Variants in CDH2 observed in about 807,000 individuals in gnomAD.
CDH2 encodes the protein cadherin-2.
Under a neutral mutation model 92.0 loss-of-function variants are expected in CDH2, and 17 were observed. The ratio of observed to expected loss-of-function variants is 0.18; its 90% CI spans 0.13 to 0.28. The LOEUF (loss-of-function observed/expected upper bound fraction) is 0.28, where lower values mean the gene tolerates loss of function less well. Ranked by LOEUF, CDH2 falls within the 10% of genes least tolerant of loss-of-function variation. The pLI is 1.00. For synonymous variants in CDH2, 419 were observed against 415.9 expected (o/e 1.01, Z -0.09); for missense variants, 862 against 1,133.1 (o/e 0.76, Z 3.44).
intron 2 of CDH2, among the ~76,000 whole-genome samples, chr18:28,034,463 T>A (rs2013776672): frequency 6.6e-6 from 1 of 151,996 alleles, no homozygotes. Context: ...CAGTTATATA[T>A]CCCAAAGCAA....
At chr18:28,084,604 C>G (rs2014891932) in intron 2 of CDH2, among the ~76,000 whole-genome samples, 1 of 152,082 alleles carries the variant, frequency 6.6e-6, no homozygotes, top group Admixed American at 6.6e-5. Context: ...CACACACACA[C>G]ACAGCATAAA....
At chr18:27,972,072 C>T (rs1031227745) in intron 14 of CDH2, among the ~76,000 whole-genome samples, 1 of 151,832 alleles carries the variant, frequency 6.6e-6, no homozygotes, top group South Asian at 2.1e-4. Flanking sequence ...CGGGTTTGTT[C>T]TCAAGTGGCT....
chr18:28,007,037 T>A (rs1315552415), intron 5 of CDH2, among the ~76,000 whole-genome samples: 1 of 150,602 alleles, frequency 6.6e-6, no homozygotes, highest in Non-Finnish European at 1.5e-5. Context: ...GCTGGGTGCC[T>A]GTAATCCCAG....
intron 2 of CDH2, among the ~76,000 whole-genome samples, chr18:28,087,878 A>G (rs1482269077): frequency 1.3e-5 from 2 of 152,198 alleles, no homozygotes; most frequent in African/African-American, 2.4e-5. Context: ...CCAAGAAATT[A>G]TAGCTGTATT....
intron 2 of CDH2, among the ~76,000 whole-genome samples, chr18:28,087,406 C>T (rs148741074): frequency 6.6e-6 from 1 of 152,176 alleles, no homozygotes; most frequent in Non-Finnish European, 1.5e-5. Flanking sequence ...GAAGCATCTT[C>T]TTCCTCTCTT....
chr18:27,998,243 T>C (rs1357246043), intron 7 of CDH2, among the ~76,000 whole-genome samples: 2 of 152,214 alleles, frequency 1.3e-5, no homozygotes, highest in Admixed American at 6.5e-5. Context: ...GGGCCTTGAT[T>C]TAAAAACAAA....
chr18:28,077,023 A>G (rs1467465199), intron 2 of CDH2, among the ~76,000 whole-genome samples: 1 of 152,118 alleles, frequency 6.6e-6, no homozygotes, highest in African/African-American at 2.4e-5. Flanking sequence ...GTCATCATCA[A>G]CTATGGAAGC....
intron 2 of CDH2, 133 bp from the exon 3 acceptor site, chr18:28,014,042 TTTTTA>T (rs1295963087): frequency 1.6e-5 from 10 of 640,622 alleles, no homozygotes; most frequent in African/African-American, 7.3e-5. Context: ...AGAAGTTTTA[TTTTTA>T]TTTTATTATA....
chr18:27,996,664 G>GAC (rs144932616), intron 7 of CDH2, among the ~76,000 whole-genome samples: 4,355 of 152,142 alleles, frequency 0.029, 93 homozygotes, highest in African/African-American at 0.052. Context: ...CAGAGACACA[G>GAC]ACACACACAC....
At chr18:27,933,762 C>G (rs994669649) in intron 6 of CDH2, among the ~76,000 whole-genome samples, 13 of 152,138 alleles carry the variant, frequency 8.5e-5, no homozygotes, top group Non-Finnish European at 1.8e-4. Flanking sequence ...GCAAGCTTCA[C>G]GTATTTGGGA....
intron 2 of CDH2, among the ~76,000 whole-genome samples, chr18:28,031,169 T>C (rs919512991): frequency 1.4e-4 from 22 of 151,738 alleles, no homozygotes; most frequent in African/African-American, 5.1e-4. Context: ...GAAAGCCAAC[T>C]CTGGGTTCAC....
intron 2 of CDH2, among the ~76,000 whole-genome samples, chr18:28,074,596 T>G (rs2014682916): frequency 6.6e-6 from 1 of 152,100 alleles, no homozygotes; most frequent in Admixed American, 6.6e-5. Context: ...TTTTAAAACT[T>G]ATGAGCCATA....
intron 4 of CDH2, 29 bp from the exon 5 acceptor site, chr18:28,009,901 G>A: frequency 6.3e-7 from 1 of 1,578,090 alleles, no homozygotes; most frequent in East Asian, 2.3e-5. Flanking sequence ...ATGACATTAA[G>A]TGAGAGACTA....
intron 2 of CDH2, chr18:28,146,348 GATTT>G (rs1485694745): frequency 6.6e-6 from 1 of 151,944 alleles, no homozygotes; most frequent in Middle Eastern, 3.2e-3. Context: ...ATAATTTAAA[GATTT>G]AAAGAAAATG....
intron 2 of CDH2, among the ~76,000 whole-genome samples, chr18:28,028,952 A>G (rs1296068042): frequency 6.6e-6 from 1 of 152,162 alleles, no homozygotes; most frequent in African/African-American, 2.4e-5. Flanking sequence ...TACTAAAAAC[A>G]ATCAATAAAT....
intron 2 of CDH2, among the ~76,000 whole-genome samples, chr18:28,032,631 A>T (rs17498260): frequency 6.6e-6 from 1 of 152,258 alleles, no homozygotes; most frequent in East Asian, 1.9e-4. Context: ...GATATCATCT[A>T]TAATGATTCA....
At chr18:28,163,425 G>T (rs1249572537) in intron 1 of CDH2, among the ~76,000 whole-genome samples, 1 of 152,194 alleles carries the variant, frequency 6.6e-6, no homozygotes, top group East Asian at 1.9e-4. Context: ...AAATTCTCAG[G>T]CTCTACTGTA....
chr18:28,019,572 C>A (rs1000679199), intron 2 of CDH2, among the ~76,000 whole-genome samples: 3 of 151,962 alleles, frequency 2.0e-5, no homozygotes, highest in Admixed American at 1.3e-4. Flanking sequence ...TCACTTACTG[C>A]ACATCCTATG....
intron 2 of CDH2, among the ~76,000 whole-genome samples, chr18:28,129,695 G>A (rs1641942903): frequency 6.6e-6 from 1 of 152,118 alleles, no homozygotes; most frequent in Admixed American, 6.5e-5. Context: ...GGGTGTGGTG[G>A]TTGCATGTCT....
Sources: gnomAD v4.1 joint callset for allele counts (sites outside exome capture counted in the v4.1 genomes callset) on GRCh38, gnomAD v4.1.1 for gene constraint, MANE v1.5 for transcripts, NCBI Gene and HGNC (gene_info 2026-07-23, HGNC 2026-07-21) for gene names.